The following SGO2 variants were observed in gnomAD, a reference collection of about 807,000 sequenced individuals.
SGO2 encodes shugoshin 2.
A neutral mutation model predicts 99.5 loss-of-function variants in SGO2; 68 were observed. That is an observed-to-expected ratio of 0.68 (90% confidence interval 0.56 to 0.84). The LOEUF is 0.84. Ranked by LOEUF, SGO2 falls within the 40% of genes least tolerant of loss-of-function variation. SGO2 has a pLI of 0.00. For synonymous variants in SGO2, 457 were observed against 487.1 expected (o/e 0.94, Z 0.81); for missense variants, 1,350 against 1,436.7 (o/e 0.94, Z 0.97).
At chr2:200,575,998 T>A in intron 8 of SGO2, 2 of 303,804 alleles carry the variant, frequency 6.6e-6, no homozygotes, top group South Asian at 5.5e-5. Flanking sequence ...TGTTGTATTT[T>A]AGAGTCTCAA....
intron 5 of SGO2, among the ~76,000 whole-genome samples, chr2:200,549,263 T>C (rs556958045): frequency 6.6e-6 from 1 of 152,054 alleles, no homozygotes; most frequent in Admixed American, 6.5e-5. Flanking sequence ...GCTTTGGTGA[T>C]GGAGCAACAC....
chr2:200,542,836 G>A lies in SGO2; in HGVS notation c.473+172G>A, dbSNP rs2032027604. On this transcript the variant is annotated intron_variant, in intron 5 of 8. Transcript: ENST00000357799. ...ATAGGTTGTTTCTCTAGGACTCCAA[G>A]GAAACTTACGGTCAATCCCCCAACC... The A allele has an allele frequency of 9.9e-6, 4 of 404,346 alleles. No homozygotes were observed. In the East Asian group the frequency reaches 1.5e-4, roughly 15 times the overall value. 25.0% of individuals were successfully genotyped at this position (404,346 alleles called of 1,614,324 possible).
chr2:200,559,318 A>G (rs2032848178), intron 5 of SGO2, among the ~76,000 whole-genome samples: 1 of 151,598 alleles, frequency 6.6e-6, no homozygotes, highest in African/African-American at 2.4e-5. Flanking sequence ...GTGTTTCATC[A>G]CTTTTTTTCT....
chr2:200,572,414 G>A lies in SGO2; in HGVS notation c.2068G>A (p.Gly690Ser). 1.2e-6 allele frequency: 2 copies of A among 1,613,352 alleles called. No homozygotes were observed. The highest frequency in any genetic ancestry group is 1.7e-6 in the Non-Finnish European group (2 of 1,179,582). Residue 690 changes from glycine (G) to serine (S), a missense_variant, in exon 7 of 9, where the codon GGT (glycine) becomes AGT (serine). Gly to Ser is a moderately conservative substitution (Grantham distance 56). Transcript: ENST00000357799. ...QCDYRTQNVL[G>S]LQKQITNMYP... is the part of the protein sequence containing the mutation. ...TGACTATAGGACCCAGAATGTGTTG[G>A]GTTTGCAAAAGCAGATCACCAATAT...
intron 5 of SGO2, among the ~76,000 whole-genome samples, chr2:200,558,944 A>G (rs1322124980): frequency 6.6e-6 from 1 of 151,986 alleles, no homozygotes; most frequent in African/African-American, 2.4e-5. Context: ...CTGGGATTAC[A>G]GATGCTCGCC....
chr2:200,576,050 T>G, intron 8 of SGO2: 1 of 393,096 alleles, frequency 2.5e-6, no homozygotes, highest in Non-Finnish European at 4.9e-6. Context: ...GATATATCTC[T>G]CTCTAAAAAG....
intron 5 of SGO2, among the ~76,000 whole-genome samples, chr2:200,556,611 CAGAAA>C (rs1211754233): frequency 1.3e-5 from 2 of 152,078 alleles, no homozygotes; most frequent in Non-Finnish European, 2.9e-5. Flanking sequence ...AGATATCAAC[CAGAAA>C]GTACTCATTC....
intron 5 of SGO2, among the ~76,000 whole-genome samples, chr2:200,564,037 G>T (rs1222535213): frequency 6.6e-6 from 1 of 151,982 alleles, no homozygotes; most frequent in Non-Finnish European, 1.5e-5. Flanking sequence ...TTTTTTGAAG[G>T]GTTTCTTTGT....
At chr2:200,553,778 A>G (rs1231311864) in intron 5 of SGO2, among the ~76,000 whole-genome samples, 1 of 152,178 alleles carries the variant, frequency 6.6e-6, no homozygotes, top group African/African-American at 2.4e-5. Flanking sequence ...GAGCCCAGCC[A>G]TGGGTTTGTA....
intron 5 of SGO2, among the ~76,000 whole-genome samples, chr2:200,545,760 G>A (rs963221607): frequency 2.6e-5 from 4 of 152,086 alleles, no homozygotes; most frequent in Non-Finnish European, 5.9e-5. Context: ...TTTCTATACT[G>A]GAAAAAGCAA....
At chr2:200,579,067 A>C (rs2033755697) in intron 8 of SGO2, among the ~76,000 whole-genome samples, 2 of 152,158 alleles carry the variant, frequency 1.3e-5, no homozygotes, top group South Asian at 4.1e-4. Flanking sequence ...ATGTCTCCAT[A>C]TGTTGCAAAA....
chr2:200,575,270 T>C, intron 7 of SGO2, 41 bp from the exon 8 acceptor site: 2 of 1,345,116 alleles, frequency 1.5e-6, no homozygotes, highest in Non-Finnish European at 2.0e-6. Flanking sequence ...TATCTCTATA[T>C]ACTTTTTAAA....
chr2:200,569,208 G>A (rs761774112), intron 5 of SGO2, among the ~76,000 whole-genome samples: 5 of 151,884 alleles, frequency 3.3e-5, no homozygotes, highest in South Asian at 2.1e-4. Flanking sequence ...TGATTTTAGT[G>A]TACTTGGATG....
chr2:200,576,091 C>A, intron 8 of SGO2: 1 of 395,764 alleles, frequency 2.5e-6, no homozygotes, highest in South Asian at 1.9e-5. Context: ...CAAAACTAGA[C>A]AACAATGATC....
At position 200,572,786 on chromosome 2, in the gene SGO2, C is replaced by A; in HGVS notation, c.2440C>A (p.Gln814Lys). 6.2e-7 allele frequency: 1 copy of A among 1,612,576 alleles called. No individual in the cohort carries two copies. The highest frequency in any genetic ancestry group is 1.1e-5 in the South Asian group (1 of 90,814). Residue 814 changes from glutamine (Q) to lysine (K), a missense_variant, in exon 7 of 9, where the codon CAA becomes AAA. By Grantham distance (53) the Gln-to-Lys change is moderately conservative. Transcript: ENST00000357799. Reference protein sequence around the residue: ...IGKKPRLNVCQKSEIIPETNQ... With the variant: ...IGKKPRLNVCKKSEIIPETNQ... ...TAAGAAGCCTAGACTAAATGTATGT[C>A]AAAAGTCAGAAATAATTCCTGAAAC...
intron 2 of SGO2, among the ~76,000 whole-genome samples, chr2:200,534,262 T>A (rs1002685886): frequency 2.0e-5 from 3 of 152,214 alleles, no homozygotes; most frequent in African/African-American, 2.4e-5. Flanking sequence ...GGGAACACAC[T>A]ATATTTATGG....
At chr2:200,536,220 GT>G in intron 4 of SGO2, 78 bp downstream of exon 4, 1 of 866,160 alleles carries the variant, frequency 1.2e-6, no homozygotes, top group Non-Finnish European at 1.8e-6. Context: ...TAACATCAAG[GT>G]TAGAGATTCA....
chr2:200,535,303 G>A (rs1287326852), intron 3 of SGO2, 132 bp downstream of exon 3: 2 of 749,454 alleles, frequency 2.7e-6, no homozygotes, highest in Non-Finnish European at 4.0e-6. Context: ...TACCATGTAA[G>A]TCTATGTCAA....
chr2:200,547,220 T>G (rs2032261765), intron 5 of SGO2, among the ~76,000 whole-genome samples: 1 of 152,120 alleles, frequency 6.6e-6, no homozygotes, highest in Admixed American at 6.6e-5. Context: ...TAGAACAACA[T>G]TTTCAAGGCA....
Sources: allele counts gnomAD v4.1 joint callset (sites outside exome capture counted in the v4.1 genomes callset), GRCh38; gene constraint gnomAD v4.1.1; transcripts MANE v1.5; gene names NCBI Gene and HGNC (gene_info 2026-07-23, HGNC 2026-07-21).